The following FGF14 variants were observed in gnomAD, a reference collection of about 807,000 sequenced individuals.
FGF14 encodes the protein fibroblast growth factor homologous factor 4.
A neutral mutation model predicts 25.5 loss-of-function variants in FGF14; 5 were observed. That is an observed-to-expected ratio of 0.20 (90% confidence interval 0.10 to 0.41). The LOEUF (loss-of-function observed/expected upper bound fraction) is 0.41, where lower values mean the gene tolerates loss of function less well. FGF14 is among the 10% of genes least tolerant of loss of function. The probability of loss-of-function intolerance (pLI) is 1.00; values close to 1 mark genes in which losing one functional copy is unlikely to be tolerated. For missense variants in FGF14, 222 were observed against 320.1 expected (o/e 0.69, Z 2.34); for synonymous variants, 138 against 118.3 (o/e 1.17, Z -1.08).
At chr13:102,187,067 T>C (rs1045876228) in intron 1 of FGF14, among the ~76,000 whole-genome samples, 1 of 152,156 alleles carries the variant, frequency 6.6e-6, no homozygotes, top group African/African-American at 2.4e-5. Context: ...AGAGTACATA[T>C]GGGGGACACA....
At chr13:101,781,223 C>A (rs190546722) in intron 3 of FGF14, among the ~76,000 whole-genome samples, 2 of 152,286 alleles carry the variant, frequency 1.3e-5, no homozygotes, top group East Asian at 1.9e-4. Context: ...CCAAACTGAT[C>A]TTGCCTTTCT....
intron 1 of FGF14, among the ~76,000 whole-genome samples, chr13:102,397,490 A>G (rs2058612960): frequency 6.6e-6 from 1 of 152,198 alleles, no homozygotes; most frequent in Admixed American, 6.5e-5. Flanking sequence ...GCTTCGTACT[A>G]ACACTGGGCA....
chr13:102,071,662 C>G (rs1448678589), intron 1 of FGF14, among the ~76,000 whole-genome samples: 1 of 152,154 alleles, frequency 6.6e-6, no homozygotes, highest in Non-Finnish European at 1.5e-5. Context: ...TTTTCTGCAT[C>G]ACTTCTTTTT....
intron 1 of FGF14, among the ~76,000 whole-genome samples, chr13:102,230,810 A>T (rs552892759): frequency 4.3e-4 from 65 of 152,326 alleles, no homozygotes; most frequent in Non-Finnish European, 7.6e-4. Context: ...ATTGGAAAAA[A>T]ATGCAATAAT....
chr13:102,276,018 A>G (rs535495886), intron 1 of FGF14, among the ~76,000 whole-genome samples: 1 of 152,160 alleles, frequency 6.6e-6, no homozygotes, highest in African/African-American at 2.4e-5. Flanking sequence ...TGTAAAGATT[A>G]AAGTGGAATT....
intron 1 of FGF14, among the ~76,000 whole-genome samples, chr13:102,094,402 A>C (rs543936731): frequency 3.3e-5 from 5 of 152,340 alleles, no homozygotes; most frequent in East Asian, 1.9e-4. Context: ...GCCAAACAAG[A>C]AGCAGCAGAT....
At chr13:101,971,446 C>T (rs1015439870) in intron 1 of FGF14, among the ~76,000 whole-genome samples, 11 of 151,888 alleles carry the variant, frequency 7.2e-5, no homozygotes, top group Non-Finnish European at 1.5e-5. Context: ...TCTTGGCTCA[C>T]TGCAACCTCC....
intron 1 of FGF14, among the ~76,000 whole-genome samples, chr13:102,052,926 G>A (rs1057358992): frequency 5.9e-5 from 9 of 152,064 alleles, no homozygotes; most frequent in African/African-American, 2.2e-4. Context: ...TGTCTTTAGT[G>A]TGATGACTAA....
At chr13:102,356,928 C>CATATATATATATATATATAT (rs3066054) in intron 1 of FGF14, among the ~76,000 whole-genome samples, 4 of 142,012 alleles carry the variant, frequency 2.8e-5, no homozygotes, top group African/African-American at 7.8e-5. Flanking sequence ...CTATAAAATG[C>CATATATATATATATATATAT]ATATATATAT....
chr13:102,375,821 A>C (rs2058027674), intron 1 of FGF14, among the ~76,000 whole-genome samples: 1 of 152,228 alleles, frequency 6.6e-6, no homozygotes, highest in Non-Finnish European at 1.5e-5. Flanking sequence ...GATCAACAAC[A>C]AATTTAAAAC....
chr13:101,973,574 G>C (rs1460673526), intron 1 of FGF14, among the ~76,000 whole-genome samples: 2 of 152,220 alleles, frequency 1.3e-5, no homozygotes, highest in African/African-American at 4.8e-5. Context: ...GGCAGTCCGA[G>C]TTCCAAAACT....
Position 102,224,156 on chromosome 13 carries a change from G to A in FGF14, c.208+177315C>T, listed in dbSNP as rs541269834. ...TAACTTTTTCCTATCATTATTAATA[G>A]TAAAAATTAAATAAAGAAAACATAT... On this transcript the variant is annotated intron_variant, in intron 1 of 4. Transcript: ENST00000376131. 3.3e-5 allele frequency among the ~76,000 whole-genome samples: 5 copies of A among 152,132 alleles called. No individual in the cohort carries two copies. The East Asian group carries it at 7.7e-4, about 23-fold the overall frequency.
chr13:101,919,377 C>T (rs556390211), upstream of FGF14, among the ~76,000 whole-genome samples: 4 of 150,958 alleles, frequency 2.6e-5, no homozygotes, highest in East Asian at 7.8e-4. Context: ...GTATGACTTC[C>T]CCAACACACC....
intron 3 of FGF14, among the ~76,000 whole-genome samples, chr13:101,840,057 C>A (rs1346986023): frequency 6.6e-6 from 1 of 151,908 alleles, no homozygotes; most frequent in Non-Finnish European, 1.5e-5. Context: ...GAAAACCAAG[C>A]CTCAATCTCT....
In FGF14 at chr13:101,848,973, T is replaced by C. The variant is rs117104668; in HGVS notation, c.408+19752A>G. Among the ~76,000 whole-genome samples, 1,022 of 152,160 alleles carry C rather than the reference T, an allele frequency of 6.7e-3. 9 individuals are homozygous for C. The highest frequency in any genetic ancestry group is 0.017 in the South Asian group (83 of 4,820). ...GTTGGTATAAATGAAAAAAAGTGTA[T>C]TGGACTTGTATTTTTCTTTTACTTT... On this transcript the variant is annotated intron_variant, in intron 3 of 4. Transcript: ENST00000376143.
At chr13:102,167,763 C>T (rs1454004024) in intron 1 of FGF14, among the ~76,000 whole-genome samples, 2 of 148,368 alleles carry the variant, frequency 1.3e-5, no homozygotes, top group Non-Finnish European at 3.0e-5. Flanking sequence ...AGAGAATCCT[C>T]ATTAAGATAT....
intron 3 of FGF14, among the ~76,000 whole-genome samples, chr13:101,798,399 A>C (rs539303447): frequency 6.6e-6 from 1 of 152,166 alleles, no homozygotes; most frequent in Non-Finnish European, 1.5e-5. Flanking sequence ...GCTGAAAACT[A>C]TCTTAACGAT....
chr13:102,213,696 C>T (rs995473847), intron 1 of FGF14, among the ~76,000 whole-genome samples: 10 of 152,178 alleles, frequency 6.6e-5, no homozygotes, highest in African/African-American at 2.4e-4. Flanking sequence ...TAAATGGAAT[C>T]ATTCCTTATC....
intron 3 of FGF14, among the ~76,000 whole-genome samples, chr13:101,828,242 A>G (rs893408406): frequency 1.3e-5 from 2 of 152,038 alleles, no homozygotes; most frequent in Non-Finnish European, 2.9e-5. Flanking sequence ...GCAGACGCCA[A>G]TATGTCCAAA....
Sources: allele counts gnomAD v4.1 joint callset (sites outside exome capture counted in the v4.1 genomes callset), GRCh38; gene constraint gnomAD v4.1.1; transcripts MANE v1.5; gene names NCBI Gene and HGNC (gene_info 2026-07-23, HGNC 2026-07-21).